Variants in CDH23 observed in about 807,000 individuals in gnomAD.
CDH23 encodes cadherin related 23, also known as cadherin-23.
A neutral mutation model predicts 317.1 loss-of-function variants in CDH23; 189 were observed. The ratio of observed to expected loss-of-function variants is 0.60; its 90% CI spans 0.53 to 0.67. The LOEUF is 0.67. CDH23 is among the 30% of genes least tolerant of loss of function. The pLI is 0.00. For missense variants in CDH23, 4,401 were observed against 4,592.4 expected, an observed-to-expected ratio of 0.96 and a Z score of 1.20; for synonymous variants, 1,839 against 1,876.8, an observed-to-expected ratio of 0.98 and a Z score of 0.52.
chr10:71,511,053 TG>T, intron 5 of CDH23, 52 bp downstream of exon 5: 2 of 1,610,452 alleles, frequency 1.2e-6, no homozygotes, highest in Non-Finnish European at 1.7e-6. Context: ...ACAGGATTTC[TG>T]GACCCCTAGG....
chr10:71,812,237 C>G, intron 66 of CDH23: 1 of 1,597,192 alleles, frequency 6.3e-7, no homozygotes. Context: ...GGGATGCAGA[C>G]TTTGGGCAGT....
At chr10:71,695,206 A>T (rs1468119084) in intron 21 of CDH23, among the ~76,000 whole-genome samples, 1 of 152,170 alleles carries the variant, frequency 6.6e-6, no homozygotes, top group Non-Finnish European at 1.5e-5. Context: ...CTGCCTCCTG[A>T]TGGGACAACA....
chr10:71,695,203 C>T, intron 21 of CDH23, among the ~76,000 whole-genome samples: 1 of 152,238 alleles, frequency 6.6e-6, no homozygotes, highest in Admixed American at 6.5e-5. Flanking sequence ...CCACTGCCTC[C>T]TGATGGGACA....
At chr10:71,739,564 G>A (rs1160560172) in intron 35 of CDH23, 80 bp from the exon 36 acceptor site, 27 of 1,535,372 alleles carry the variant, frequency 1.8e-5, no homozygotes, top group Non-Finnish European at 2.3e-5. Flanking sequence ...GGCAGAGGAG[G>A]ACCAGGGAGT....
At chr10:71,494,052 G>T (rs1021666895) in intron 3 of CDH23, among the ~76,000 whole-genome samples, 5 of 152,126 alleles carry the variant, frequency 3.3e-5, no homozygotes, top group African/African-American at 4.8e-5. Context: ...ATTTTTCGGA[G>T]AATTTTTTGC....
Position 71,790,370 on chromosome 10 carries a change from G to C in CDH23, c.6006G>C (p.Leu2002=), listed in dbSNP as rs749755346. 5 of 1,613,698 alleles carry C rather than the reference G, an allele frequency of 3.1e-6. No individual in the cohort carries two copies. Among genetic ancestry groups the C allele is most frequent in the Non-Finnish European group, 4.2e-6 (5 of 1,179,850 alleles). The stretch of plus-strand genomic sequence containing the variant: ...TCTACGCCGTGGTGACCTACCAGCT[G>C]CTGGGTGCCCAGAGTGGCCTCTTTG... ...QDIYAVVTYQ[L]LGAQSGLFDI... The change falls in exon 46 of 70, where the codon CTG becomes CTC. Residue 2002 remains leucine (L), a synonymous_variant. Coordinates refer to ENST00000224721, the MANE Select transcript of CDH23 (RefSeq NM_022124.6).
intron 61 of CDH23, 132 bp downstream of exon 61, chr10:71,810,208 C>T (rs1206735285): frequency 2.7e-6 from 3 of 1,122,634 alleles, no homozygotes; most frequent in Non-Finnish European, 3.8e-6. Flanking sequence ...TAGTCATTTC[C>T]TATCAGTGCA....
intron 60 of CDH23, among the ~76,000 whole-genome samples, chr10:71,809,425 C>T (rs1222645334): frequency 6.6e-6 from 1 of 152,030 alleles, no homozygotes; most frequent in Admixed American, 6.6e-5. Context: ...GTGATCTGCC[C>T]GCCTCAGCCT....
intron 11 of CDH23, among the ~76,000 whole-genome samples, chr10:71,626,739 C>T (rs1213731025): frequency 2.0e-5 from 3 of 152,168 alleles, no homozygotes; most frequent in East Asian, 3.8e-4. Context: ...ATGTAGGGTT[C>T]GTACTCTCGG....
intron 9 of CDH23, among the ~76,000 whole-genome samples, chr10:71,608,972 T>G (rs1860692720): frequency 6.6e-6 from 1 of 152,176 alleles, no homozygotes; most frequent in South Asian, 2.1e-4. Flanking sequence ...GTCATCAGCC[T>G]GTGTTCCCGC....
chr10:71,738,731 A>G (rs1839649427), intron 35 of CDH23, 84 bp downstream of exon 35: 7 of 1,470,712 alleles, frequency 4.8e-6, no homozygotes, highest in Non-Finnish European at 5.5e-6. Flanking sequence ...CTTCTGAGCC[A>G]CCCCCATCAC....
chr10:71,759,944 CACAT>C (rs1273477769), intron 38 of CDH23, among the ~76,000 whole-genome samples: 11 of 123,872 alleles, frequency 8.9e-5, no homozygotes, highest in East Asian at 2.4e-4. Flanking sequence ...TATACACACA[CACAT>C]ATATATACAC....
chr10:71,635,583 G>T (rs1367428523), intron 11 of CDH23, among the ~76,000 whole-genome samples: 2 of 152,034 alleles, frequency 1.3e-5, no homozygotes. Flanking sequence ...CTGCGGAGAG[G>T]AGGGAGGGGA....
intron 1 of CDH23, among the ~76,000 whole-genome samples, chr10:71,404,504 G>A (rs1289599028): frequency 1.3e-5 from 2 of 152,244 alleles, no homozygotes; most frequent in African/African-American, 2.4e-5. Context: ...GTCTGGAAGT[G>A]TTCTCAGAGA....
chr10:71,595,079 C>T (rs1229127859), intron 9 of CDH23, among the ~76,000 whole-genome samples: 1 of 152,144 alleles, frequency 6.6e-6, no homozygotes, highest in East Asian at 1.9e-4. Context: ...CTTGACAAAT[C>T]AGTTCTGTAA....
chr10:71,449,282 C>T (rs1327476362), intron 3 of CDH23, among the ~76,000 whole-genome samples: 1 of 152,156 alleles, frequency 6.6e-6, no homozygotes, highest in Non-Finnish European at 1.5e-5. Context: ...CGTGTCGGCT[C>T]ACCAGAGGTT....
At chr10:71,412,280 T>C (rs2131923312) in intron 1 of CDH23, among the ~76,000 whole-genome samples, 1 of 152,342 alleles carries the variant, frequency 6.6e-6, no homozygotes, top group South Asian at 2.1e-4. Flanking sequence ...GGTCTATAAA[T>C]ACCTGTTTGA....
Position 71,815,507 on chromosome 10 carries a change from C to T in CDH23, c.*229C>T. The T allele has an allele frequency of 2.2e-6, 1 of 452,628 alleles. No homozygotes were observed. Among genetic ancestry groups the T allele is most frequent in the Non-Finnish European group, 3.9e-6 (1 of 257,060 alleles). 28.0% of individuals were successfully genotyped at this position (452,628 alleles called of 1,614,324 possible). On this transcript the variant is annotated 3_prime_UTR_variant, in exon 70 of 70. Coordinates refer to ENST00000224721, the MANE Select transcript of CDH23 (RefSeq NM_022124.6). ...AAGATCTGTTATTTTTATAAGAAAACCAAACAAAAATGTTAAGCATCTAAG... is the reference window on the plus strand; with the variant it reads ...AAGATCTGTTATTTTTATAAGAAAATCAAACAAAAATGTTAAGCATCTAAG...
chr10:71,778,929 T>C (rs966910926), intron 40 of CDH23, among the ~76,000 whole-genome samples: 1 of 152,106 alleles, frequency 6.6e-6, no homozygotes, highest in African/African-American at 2.4e-5. Flanking sequence ...AGCTAATGTA[T>C]TACTCTTTTA....
Sources: allele counts gnomAD v4.1 joint callset (sites outside exome capture counted in the v4.1 genomes callset), GRCh38; gene constraint gnomAD v4.1.1; transcripts MANE v1.5; gene names NCBI Gene and HGNC (gene_info 2026-07-23, HGNC 2026-07-21).